DCAKD: variants seen among roughly 807,000 people sequenced by gnomAD.
DCAKD encodes dephospho-CoA kinase domain containing.
In DCAKD, 15 loss-of-function variants were observed where a neutral mutation model predicts 18.7. That is an observed-to-expected ratio of 0.80 (90% CI 0.54 to 1.24). The LOEUF (loss-of-function observed/expected upper bound fraction) is 1.24, where lower values mean the gene tolerates loss of function less well. DCAKD is among the 50% of genes most tolerant of loss of function. The probability of loss-of-function intolerance (pLI) is 0.00; values close to 1 mark genes in which losing one functional copy is unlikely to be tolerated. For synonymous variants in DCAKD, 130 were observed against 133.0 expected (o/e 0.98, Z 0.16); for missense variants, 301 against 322.0 (o/e 0.93, Z 0.50).
At chr17:45,046,396 T>C (rs558724089) in intron 1 of DCAKD, among the ~76,000 whole-genome samples, 1 of 151,962 alleles carries the variant, frequency 6.6e-6, no homozygotes, top group Non-Finnish European at 1.5e-5. Flanking sequence ...GGAGGGCTGA[T>C]CACGAGGTCA....
intron 1 of DCAKD, among the ~76,000 whole-genome samples, chr17:45,037,780 T>C (rs1348946058): frequency 1.3e-5 from 2 of 150,036 alleles, no homozygotes; most frequent in South Asian, 4.2e-4. Context: ...TTTTTTTTTT[T>C]TTTTGAGACA....
intron 2 of DCAKD, 21 bp downstream of exon 2, chr17:45,034,753 C>G: frequency 6.2e-7 from 1 of 1,612,646 alleles, no homozygotes; most frequent in East Asian, 2.2e-5. Context: ...CACGGCCCCC[C>G]AACCTGCCCC....
intron 4 of DCAKD, among the ~76,000 whole-genome samples, chr17:45,029,177 G>A (rs920399789): frequency 1.3e-5 from 2 of 152,236 alleles, no homozygotes; most frequent in Admixed American, 6.5e-5. Context: ...AGGCAGCACG[G>A]CCCAGTGCAG....
intron 3 of DCAKD, chr17:45,031,574 G>T: frequency 1.0e-6 from 1 of 985,416 alleles, no homozygotes; most frequent in Non-Finnish European, 1.2e-6. Context: ...GAGGCCAACA[G>T]TGTGGTGCGC....
rs1567834792 is a variant in DCAKD at position 45,034,173 on chromosome 17, GCCCTGGCACTTA to G, written c.316+2_316+13del. ...AAGGAGGCCCCGCCCCCCGCCCCAGGCCCTGGCACTTACCCCGGAGGAAGTACTTGAACGTCT... is the reference window on the plus strand; with the variant it reads ...AAGGAGGCCCCGCCCCCCGCCCCAGGCCCCGGAGGAAGTACTTGAACGTCT... On this transcript the variant is annotated splice_donor_variant and splice_donor_5th_base_variant and intron_variant, in intron 3 of 4. Transcript: ENST00000651974. LOFTEE classifies it high-confidence loss of function. 6.2e-7 allele frequency: 1 copy of G among 1,613,410 alleles called. No homozygotes were observed. The highest frequency in any genetic ancestry group is 1.7e-5 in the Admixed American group (1 of 59,998).
intron 1 of DCAKD, among the ~76,000 whole-genome samples, chr17:45,058,796 A>G (rs961347558): frequency 6.6e-6 from 1 of 152,060 alleles, no homozygotes; most frequent in Non-Finnish European, 1.5e-5. Context: ...CGCGTTGAAC[A>G]GCAGTCTTAG....
chr17:45,043,548 T>TA (rs2053489228), intron 1 of DCAKD, among the ~76,000 whole-genome samples: 1 of 151,872 alleles, frequency 6.6e-6, no homozygotes, highest in Admixed American at 6.5e-5. Context: ...CCAAGGAAAA[T>TA]AGTCTCATCA....
Position 45,034,189 on chromosome 17 carries a change from C to G in DCAKD, c.314G>C (p.Arg105Pro). The G allele has an allele frequency of 1.2e-6, 2 of 1,613,734 alleles. No homozygotes were observed. The highest frequency in any genetic ancestry group is 1.7e-6 in the Non-Finnish European group (2 of 1,179,874). The stretch of plus-strand genomic sequence containing the variant: ...CCGCCCCAGGCCCTGGCACTTACCC[C>G]GGAGGAAGTACTTGAACGTCTCCTT... ...MMKETFKYFL[R>P]GYRYVILDIP... The change falls in exon 3 of 5, where the codon CGG (arginine) becomes CCG (proline). Residue 105 changes from arginine to proline, a missense_variant and splice_region_variant. Transcript: ENST00000651974.
chr17:45,041,146 G>A (rs2053424167), intron 1 of DCAKD, among the ~76,000 whole-genome samples: 1 of 151,932 alleles, frequency 6.6e-6, no homozygotes, highest in Non-Finnish European at 1.5e-5. Flanking sequence ...TGGCTTAAAG[G>A]AGTCATCTGA....
chr17:45,057,616 C>A (rs919998279), intron 1 of DCAKD, among the ~76,000 whole-genome samples: 2 of 148,836 alleles, frequency 1.3e-5, no homozygotes, highest in Non-Finnish European at 3.0e-5. Context: ...GGCAGGAGAA[C>A]TGCTGGAATC....
chr17:45,035,324 T>C (rs2053270368), intron 1 of DCAKD, among the ~76,000 whole-genome samples: 1 of 151,582 alleles, frequency 6.6e-6, no homozygotes. Flanking sequence ...CTACTAAAAA[T>C]ACAAAAATTA....
intron 1 of DCAKD, among the ~76,000 whole-genome samples, chr17:45,038,377 T>C (rs545299440): frequency 6.6e-6 from 1 of 152,222 alleles, no homozygotes; most frequent in East Asian, 1.9e-4. Context: ...TAACTCTTCT[T>C]TTACAGCAGT....
intron 1 of DCAKD, among the ~76,000 whole-genome samples, chr17:45,037,244 T>C (rs546277246): frequency 2.6e-5 from 4 of 152,122 alleles, no homozygotes; most frequent in Admixed American, 1.3e-4. Flanking sequence ...GGCAGGAGGA[T>C]TGCTTGAGAC....
chr17:45,059,400 G>A (rs968036338), intron 1 of DCAKD, among the ~76,000 whole-genome samples: 2 of 151,862 alleles, frequency 1.3e-5, no homozygotes, highest in African/African-American at 2.4e-5. Context: ...TTCCCTTTTT[G>A]GCCATGGAGC....
chr17:45,037,815 G>A (rs1041134085), intron 1 of DCAKD, among the ~76,000 whole-genome samples: 1 of 147,644 alleles, frequency 6.8e-6, no homozygotes, highest in Non-Finnish European at 1.5e-5. Context: ...TGCCCAGGCT[G>A]GAGTGCAGTG....
At chr17:45,046,227 A>G (rs115323969) in intron 1 of DCAKD, among the ~76,000 whole-genome samples, 1,896 of 152,278 alleles carry the variant, frequency 0.012, 47 homozygotes, top group African/African-American at 0.043. Context: ...AGATGAGGAA[A>G]ATGTGGGAGA....
chr17:45,058,241 G>C (rs2053807929), intron 1 of DCAKD, among the ~76,000 whole-genome samples: 1 of 152,090 alleles, frequency 6.6e-6, no homozygotes, highest in Admixed American at 6.6e-5. Flanking sequence ...CTTGAATCCA[G>C]GAGGCAGAGG....
Position 45,024,320 on chromosome 17 carries a change from TGTGTGTGTGTGTGTGTGTGG to T in DCAKD, c.*93_*112del, listed in dbSNP as rs1158392513. 933 of 466,152 alleles carry T rather than the reference TGTGTGTGTGTGTGTGTGTGG, an allele frequency of 2.0e-3. 37 individuals carry two copies. In the African/African-American group the frequency reaches 0.023, roughly 11 times the overall value. 28.9% of individuals were successfully genotyped at this position (466,152 alleles called of 1,614,324 possible). On this transcript the variant is annotated 3_prime_UTR_variant, in exon 5 of 5. Transcript: ENST00000651974. ...GTGTGTGTGTGTGTGTGTGTGTGTG[TGTGTGTGTGTGTGTGTGTGG>T]GGAGGGGGCTGAGAGGAAACAGGAT...
rs1048769747 is a variant in DCAKD at position 45,034,950 on chromosome 17, G to A, written c.-65C>T. The A allele has an allele frequency of 1.3e-6, 2 of 1,562,684 alleles. No homozygotes were observed. Among genetic ancestry groups the A allele is most frequent in the Non-Finnish European group, 1.8e-6 (2 of 1,140,998 alleles). ...GGAGCTACAGAATCACTGGAGAGCA[G>A]GGCAAGTGTGGCCGATGGGGGCGGT... On this transcript the variant is annotated 5_prime_UTR_variant, in exon 2 of 5. Transcript: ENST00000651974.
Sources: gnomAD v4.1 joint callset for allele counts (sites outside exome capture counted in the v4.1 genomes callset) on GRCh38, gnomAD v4.1.1 for gene constraint, MANE v1.5 for transcripts, NCBI Gene and HGNC (gene_info 2026-07-23, HGNC 2026-07-21) for gene names.